Variants in ANKDD1A observed in about 807,000 individuals in gnomAD.
ANKDD1A encodes the protein ankyrin repeat and death domain containing 1A, also known as ankyrin repeat and death domain-containing protein 1A.
A neutral mutation model predicts 63.5 loss-of-function variants in ANKDD1A; 59 were observed. That is an observed-to-expected ratio of 0.93 (90% confidence interval 0.75 to 1.15). The LOEUF (loss-of-function observed/expected upper bound fraction) is 1.15, where lower values mean the gene tolerates loss of function less well. Ranked by LOEUF, ANKDD1A falls within the 50% of genes most tolerant of loss-of-function variation. The pLI, the probability that ANKDD1A is intolerant of heterozygous loss-of-function variation, is 0.00. For synonymous variants in ANKDD1A, 266 were observed against 263.9 expected, an observed-to-expected ratio of 1.01 and a Z score of -0.08; for missense variants, 632 against 656.4, an observed-to-expected ratio of 0.96 and a Z score of 0.41.
At chr15:64,923,104 A>G (rs2085019691) in intron 4 of ANKDD1A, among the ~76,000 whole-genome samples, 1 of 152,110 alleles carries the variant, frequency 6.6e-6, no homozygotes. Flanking sequence ...GAATAATGGC[A>G]CCCCAAAGAT....
At chr15:64,951,498 T>TCTG (rs1391132506) in intron 14 of ANKDD1A, 1 of 150,100 alleles carries the variant, frequency 6.7e-6, no homozygotes, top group African/African-American at 2.5e-5. Flanking sequence ...CTTTTCTTCT[T>TCTG]CTTCCTCTTC....
chr15:64,923,948 C>G (rs2085027098), intron 4 of ANKDD1A, among the ~76,000 whole-genome samples: 1 of 152,250 alleles, frequency 6.6e-6, no homozygotes, highest in Non-Finnish European at 1.5e-5. Context: ...TCTAGTTAAG[C>G]AGATCCCCTC....
rs377448823 is a variant in ANKDD1A at position 64,952,886 on chromosome 15, C to T, written c.1483+2914C>T. 0.01 allele frequency among the ~76,000 whole-genome samples: 1,025 copies of T among 101,496 alleles called. 41 individuals carry two copies. In the South Asian group the frequency reaches 0.14, roughly 14 times the overall value. 66.6% of individuals were successfully genotyped at this position (101,496 alleles called of 152,430 possible). On this transcript the variant is annotated intron_variant, in intron 14 of 14. Coordinates refer to ENST00000319580, the MANE Select transcript of ANKDD1A (RefSeq NM_182703.6). Reference sequence around the variant, plus strand: ...TTCTTTTCTTCTCTTTCTTCTTCTCCTTCTTCCTTCTCCTTCCTTCTCTTC... The same window carrying T: ...TTCTTTTCTTCTCTTTCTTCTTCTCTTTCTTCCTTCTCCTTCCTTCTCTTC...
chr15:64,957,077 T>TGAAA (rs1212261907), intron 14 of ANKDD1A, 26 bp from the exon 15 acceptor site: 1 of 450,176 alleles, frequency 2.2e-6, no homozygotes, highest in African/African-American at 2.0e-5. Flanking sequence ...TTTTGTTTTT[T>TGAAA]GAGACAGTCT....
In ANKDD1A at chr15:64,915,887, G is replaced by C. The variant is rs538647982; in HGVS notation, c.125G>C (p.Arg42Thr). ...QELIGRRVNT[R>T]ARNHVGRVAL... Reference sequence around the variant, plus strand: ...CTGATTGGGAGGAGGGTTAACACCAGGGCCAGAAACCACGTGCGTAATGAG... The same window carrying C: ...CTGATTGGGAGGAGGGTTAACACCACGGCCAGAAACCACGTGCGTAATGAG... The change falls in exon 2 of 15, where the codon AGG (arginine) becomes ACG (threonine). Residue 42 changes from arginine to threonine, a missense_variant. By Grantham distance (71) the Arg-to-Thr change is moderately conservative. Coordinates refer to ENST00000319580, the MANE Select transcript of ANKDD1A (RefSeq NM_182703.6). The C allele has an allele frequency of 6.2e-6, 10 of 1,613,754 alleles. No homozygotes were observed. The highest frequency in any genetic ancestry group is 8.5e-6 in the Non-Finnish European group (10 of 1,179,806).
In ANKDD1A at chr15:64,949,917, C is replaced by T; in HGVS notation, c.1428C>T (p.Asn476=). ...WLHGVATAGE[N]PSKALFEGLV... is the part of the protein sequence containing the mutation. ...ATGGCGTGGCCACGGCTGGTGAGAACCCCAGCAAAGCGCTGTTCGAGGGCC... is the reference window on the plus strand; with the variant it reads ...ATGGCGTGGCCACGGCTGGTGAGAATCCCAGCAAAGCGCTGTTCGAGGGCC... The change falls in exon 14 of 15, where the codon AAC becomes AAT. Residue 476 remains asparagine (N), a synonymous_variant. Transcript: ENST00000319580. 6.2e-7 allele frequency: 1 copy of T among 1,608,996 alleles called. No homozygotes were observed. Among genetic ancestry groups the T allele is most frequent in the Non-Finnish European group, 8.5e-7 (1 of 1,179,986 alleles).
At position 64,917,139 on chromosome 15, in the gene ANKDD1A, C is replaced by T. The variant is rs568920799; in HGVS notation, c.139-247C>T. Among the ~76,000 whole-genome samples the T allele has an allele frequency of 3.9e-5, 6 of 152,264 alleles. No individual in the cohort carries two copies. In the South Asian group the frequency reaches 1.0e-3, roughly 26 times the overall value. Reference sequence around the variant, plus strand: ...CAAGGTTAGGAGTTTATCCTGAGAGCCATGAGAAACTGTGAAGAGTTTTAG... The same window carrying T: ...CAAGGTTAGGAGTTTATCCTGAGAGTCATGAGAAACTGTGAAGAGTTTTAG... On this transcript the variant is annotated intron_variant, in intron 2 of 14. Transcript: ENST00000319580.
rs1484254134 is a variant in ANKDD1A at position 64,954,728 on chromosome 15, CTTCTTCT to C, written c.1484-2373_1484-2367del. ...CCTTCTTCTTCTCCTTCTCCTCCTC[CTTCTTCT>C]TCCTTCTCCTTCTTCTTTCTTTTTG... is the stretch of plus-strand genomic sequence containing the variant. On this transcript the variant is annotated intron_variant, in intron 14 of 14. Coordinates refer to ENST00000319580, the MANE Select transcript of ANKDD1A (RefSeq NM_182703.6). Among the ~76,000 whole-genome samples the C allele has an allele frequency of 5.8e-5, 4 of 69,524 alleles. No individual in the cohort carries two copies. In the East Asian group the frequency reaches 2.0e-3, roughly 35 times the overall value. The allele number at this position is 69,524 out of a possible 152,430, so 45.6% of individuals were successfully genotyped here.
chr15:64,951,682 T>TCC (rs1555397443), intron 14 of ANKDD1A, among the ~76,000 whole-genome samples: 14 of 33,826 alleles, frequency 4.1e-4, no homozygotes, highest in Non-Finnish European at 8.9e-4. Flanking sequence ...CTTTCCTTCT[T>TCC]TCTTCTTCCT....
intron 14 of ANKDD1A, among the ~76,000 whole-genome samples, chr15:64,953,545 CCT>C (rs2085345488): frequency 1.7e-5 from 2 of 115,730 alleles, no homozygotes; most frequent in African/African-American, 3.0e-5. Flanking sequence ...TCTCCTTCTT[CCT>C]TCTCCTTCTT....
At chr15:64,951,612 CTTA>C (rs1595858465) in intron 14 of ANKDD1A, among the ~76,000 whole-genome samples, 4 of 40,784 alleles carry the variant, frequency 9.8e-5, no homozygotes, top group Admixed American at 3.6e-4. Flanking sequence ...CTTCTTGTTC[CTTA>C]TTCTTCTTCT....
At chr15:64,921,348 G>A (rs1163338840) in intron 3 of ANKDD1A, among the ~76,000 whole-genome samples, 1 of 151,956 alleles carries the variant, frequency 6.6e-6, no homozygotes, top group Non-Finnish European at 1.5e-5. Flanking sequence ...TTTATGAAAT[G>A]GTGATGAGAG....
At chr15:64,933,805 T>C (rs547945800) in intron 8 of ANKDD1A, among the ~76,000 whole-genome samples, 22 of 149,886 alleles carry the variant, frequency 1.5e-4, no homozygotes, top group African/African-American at 5.4e-4. Context: ...TTGTGCCATG[T>C]ACTCCAGCTT....
chr15:64,953,562 C>CTT (rs2085347017), intron 14 of ANKDD1A, among the ~76,000 whole-genome samples: 6 of 88,876 alleles, frequency 6.8e-5, no homozygotes, highest in East Asian at 5.4e-4. Flanking sequence ...CTTCTTTCTT[C>CTT]CTCCTTCTTC....
chr15:64,920,165 G>A (rs1443411695), intron 3 of ANKDD1A, among the ~76,000 whole-genome samples: 1 of 152,158 alleles, frequency 6.6e-6, no homozygotes, highest in East Asian at 1.9e-4. Flanking sequence ...CCCAGGATCT[G>A]GCTGGCTCTT....
intron 12 of ANKDD1A, among the ~76,000 whole-genome samples, chr15:64,945,635 C>T (rs1365874313): frequency 4.6e-4 from 39 of 85,298 alleles, no homozygotes; most frequent in Admixed American, 1.0e-3. Flanking sequence ...TATATATGAA[C>T]TTTTTTTTTT....
At chr15:64,951,640 CTATCTTCTTT>C (rs903381092) in intron 14 of ANKDD1A, among the ~76,000 whole-genome samples, 7 of 113,458 alleles carry the variant, frequency 6.2e-5, no homozygotes, top group Non-Finnish European at 1.3e-4. Context: ...TTTTCTTCTT[CTATCTTCTTT>C]CCTTCTATCT....
chr15:64,943,714 A>C, intron 11 of ANKDD1A, 132 bp downstream of exon 11: 25 of 815,998 alleles, frequency 3.1e-5, no homozygotes, highest in Non-Finnish European at 4.8e-5. Flanking sequence ...ATACCAGCTC[A>C]AATGCAGCCT....
At chr15:64,931,394 C>G (rs1022877962) in intron 7 of ANKDD1A, 93 bp from the exon 8 acceptor site, 2 of 1,255,106 alleles carry the variant, frequency 1.6e-6, no homozygotes, top group Admixed American at 2.2e-5. Context: ...GTCCTGGGGC[C>G]AAGGCACAAG....
Sources: allele counts gnomAD v4.1 joint callset (sites outside exome capture counted in the v4.1 genomes callset), GRCh38; gene constraint gnomAD v4.1.1; transcripts MANE v1.5; gene names NCBI Gene and HGNC (gene_info 2026-07-23, HGNC 2026-07-21).